Variants in ANKRD13D observed in about 807,000 individuals in gnomAD.
ANKRD13D encodes the protein ankyrin repeat domain 13D.
In ANKRD13D, 24 loss-of-function variants were observed where a neutral mutation model predicts 68.8. The ratio of observed to expected loss-of-function variants is 0.35; its 90% CI spans 0.25 to 0.49. ANKRD13D has a LOEUF of 0.49. Ranked by LOEUF, ANKRD13D falls within the 20% of genes least tolerant of loss-of-function variation. ANKRD13D has a pLI of 0.99. For synonymous variants in ANKRD13D, 331 were observed against 336.1 expected (o/e 0.98, Z 0.16); for missense variants, 735 against 832.1 (o/e 0.88, Z 1.44).
In ANKRD13D at chr11:67,299,244, C is replaced by G; in HGVS notation, c.798+120C>G. The G allele has an allele frequency of 7.9e-7, 1 of 1,270,622 alleles. No homozygotes were observed. The allele number at this position is 1,270,622 out of a possible 1,614,324, so 78.7% of individuals were successfully genotyped here. On this transcript the variant is annotated intron_variant, in intron 7 of 14. Coordinates refer to ENST00000511455, the MANE Select transcript of ANKRD13D (RefSeq NM_207354.3). The surrounding 1 kb of genome is among the most constrained non-coding windows in gnomAD (Gnocchi z 6.2). ...TGGAAACCCTGAGCATTTGTGGGAA[C>G]TCAGCGGGCCTGAGTGCCCAGCCCC...
At chr11:67,294,358 T>A (rs1860684099) in intron 6 of ANKRD13D, among the ~76,000 whole-genome samples, 1 of 152,208 alleles carries the variant, frequency 6.6e-6, no homozygotes, top group African/African-American at 2.4e-5. Flanking sequence ...ATAAAGCAGT[T>A]TGGGGAATAG....
In ANKRD13D at chr11:67,290,181, A is replaced by G. The variant is rs377091252; in HGVS notation, c.194A>G (p.Asn65Ser). 3 of 1,537,488 alleles carry G rather than the reference A, an allele frequency of 2.0e-6. No individual in the cohort carries two copies. The highest frequency in any genetic ancestry group is 2.6e-6 in the Non-Finnish European group (3 of 1,146,900). ...SVRVLLRHNANVGKENRQGWA... is the reference protein window; with the variant it reads ...SVRVLLRHNASVGKENRQGWA... The stretch of plus-strand genomic sequence containing the variant: ...AGAGTGCTCCTTCGACACAATGCCA[A>G]CGTGGGCAAAGAGAACCGCCAGGGC... The change falls in exon 2 of 15, where the codon AAC (asparagine) becomes AGC (serine). Residue 65 changes from asparagine to serine, a missense_variant. Asn to Ser is a conservative substitution (Grantham distance 46). Coordinates refer to ENST00000511455, the MANE Select transcript of ANKRD13D (RefSeq NM_207354.3).
chr11:67,299,652 G>A lies in ANKRD13D; in HGVS notation c.880+41G>A, dbSNP rs767648033. On this transcript the variant is annotated intron_variant, in intron 8 of 14. Coordinates refer to ENST00000511455, the MANE Select transcript of ANKRD13D (RefSeq NM_207354.3). This position sits in a 1 kb window ranked among gnomAD's most constrained non-coding sequence, Gnocchi z 6.2. ...CCTGCCTGCTGCCCGGTCACACCGT[G>A]TGGTGGGGTCACCCTGGCCTGGGAT... The A allele has an allele frequency of 3.2e-6, 5 of 1,548,024 alleles. No homozygotes were observed. The highest frequency in any genetic ancestry group is 3.5e-6 in the Non-Finnish European group (4 of 1,144,952).
Position 67,290,121 on chromosome 11 carries a change from A to G in ANKRD13D, c.134A>G (p.Glu45Gly). 6.5e-7 allele frequency: 1 copy of G among 1,537,104 alleles called. No individual in the cohort carries two copies. Among genetic ancestry groups the G allele is most frequent in the East Asian group, 2.4e-5 (1 of 40,924 alleles). Residue 45 changes from glutamate (E) to glycine (G), a missense_variant, in exon 2 of 15, where the codon GAG (glutamate) becomes GGG (glycine). Physicochemically the swap from Glu to Gly is moderately conservative, Grantham distance 98. Transcript: ENST00000511455. The stretch of plus-strand genomic sequence containing the variant: ...GACCCCCGCGGGCGGACCCCACTGG[A>G]GCTGGCCGTGTCTCTGGGAAACCTG... Reference protein sequence around the residue: ...QEDPRGRTPLELAVSLGNLES... With the variant: ...QEDPRGRTPLGLAVSLGNLES...
chr11:67,291,445 G>T (rs1427204715), intron 3 of ANKRD13D, 31 bp from the exon 4 acceptor site: 2 of 1,613,322 alleles, frequency 1.2e-6, no homozygotes, highest in African/African-American at 1.3e-5. Flanking sequence ...CAGCAGGCAG[G>T]GCGCTGACAA....
rs1317848447 is a variant in ANKRD13D, at chr11:67,301,848, G to A, written c.1604+25G>A. 1.9e-6 allele frequency: 3 copies of A among 1,565,566 alleles called. No homozygotes were observed. Among genetic ancestry groups the A allele is most frequent in the Non-Finnish European group, 2.6e-6 (3 of 1,155,208 alleles). Reference sequence around the variant, plus strand: ...GGTGAGCCCCTCATGGGGCTGGCTGGGTCCCTGTCCCCCCAGCCCTGGCTT... The same window carrying A: ...GGTGAGCCCCTCATGGGGCTGGCTGAGTCCCTGTCCCCCCAGCCCTGGCTT... On this transcript the variant is annotated intron_variant, in intron 14 of 14. Transcript: ENST00000511455. This position sits in a 1 kb window ranked among gnomAD's most constrained non-coding sequence, Gnocchi z 4.5.
chr11:67,290,272 C>T (rs1860478912), intron 2 of ANKRD13D, 50 bp from the exon 3 acceptor site: 1 of 1,546,378 alleles, frequency 6.5e-7, no homozygotes, highest in African/African-American at 1.4e-5. Context: ...AGTGAGCAGC[C>T]AGGCCTGGGG....
chr11:67,290,807 A>C (rs966392804), intron 3 of ANKRD13D: 2 of 232,172 alleles, frequency 8.6e-6, no homozygotes, highest in African/African-American at 4.5e-5. Flanking sequence ...CTGGCAGAGC[A>C]TACTATCTCA....
Position 67,293,939 on chromosome 11 carries a change from T to G in ANKRD13D, c.731+1759T>G, listed in dbSNP as rs577741941. ...GTTAATTTTTGTGTATAGTGGAAGG[T>G]TCTTTTGCATGTGACTATCCAGTTG... On this transcript the variant is annotated intron_variant, in intron 6 of 14. Coordinates refer to ENST00000511455, the MANE Select transcript of ANKRD13D (RefSeq NM_207354.3). Among the ~76,000 whole-genome samples, 9 of 152,348 alleles carry G rather than the reference T, an allele frequency of 5.9e-5. No homozygotes were observed. The South Asian group carries it at 1.2e-3, about 21-fold the overall frequency.
chr11:67,292,193 C>T lies in ANKRD13D; in HGVS notation c.731+13C>T. The T allele has an allele frequency of 6.4e-7, 1 of 1,573,358 alleles. No individual in the cohort carries two copies. Among genetic ancestry groups the T allele is most frequent in the Non-Finnish European group, 8.7e-7 (1 of 1,151,392 alleles). On this transcript the variant is annotated intron_variant, in intron 6 of 14. Transcript: ENST00000511455. The stretch of plus-strand genomic sequence containing the variant: ...TGGCCTTTGAGAGGTCGGTCGGGTC[C>T]TGGCACACCGTGGGTGGGATGGGGA...
chr11:67,300,268 T>C lies in ANKRD13D; in HGVS notation c.1073+145T>C. On this transcript the variant is annotated intron_variant, in intron 10 of 14. Transcript: ENST00000511455. The surrounding 1 kb of genome is among the most constrained non-coding windows in gnomAD (Gnocchi z 4.3). ...CTGGAGGGCAGGAGTCATGTCTGCC[T>C]TATCCATGGTCCTCAGCCCTTAGCA... The C allele has an allele frequency of 2.5e-6, 3 of 1,191,392 alleles. No individual in the cohort carries two copies. Among genetic ancestry groups the C allele is most frequent in the Non-Finnish European group, 3.5e-6 (3 of 860,246 alleles). 73.8% of individuals were successfully genotyped at this position (1,191,392 alleles called of 1,614,324 possible).
At position 67,299,734 on chromosome 11, in the gene ANKRD13D, C is replaced by T. The variant is rs1463119030; in HGVS notation, c.881-93C>T. The stretch of plus-strand genomic sequence containing the variant: ...AGGCCTCCCCATTCCCGTCTGACCC[C>T]TCTTCCCCCAGACAGTAGGCTCCAG... On this transcript the variant is annotated intron_variant, in intron 8 of 14. Transcript: ENST00000511455. This position sits in a 1 kb window ranked among gnomAD's most constrained non-coding sequence, Gnocchi z 6.2. 3 of 1,539,328 alleles carry T rather than the reference C, an allele frequency of 1.9e-6. No homozygotes were observed. The East Asian group carries it at 6.8e-5, about 35-fold the overall frequency.
chr11:67,289,849 A>G (rs1018803055), intron 1 of ANKRD13D: 1 of 1,419,762 alleles, frequency 7.0e-7, no homozygotes, highest in Non-Finnish European at 9.2e-7. Context: ...ACTCCTGACA[A>G]CCTGCAGCTC....
rs1043711301 is a variant in ANKRD13D at position 67,299,640 on chromosome 11, C to A, written c.880+29C>A. ...AACCCAGGTGCGCCTGCCTGCTGCC[C>A]GGTCACACCGTGTGGTGGGGTCACC... is the stretch of plus-strand genomic sequence containing the variant. On this transcript the variant is annotated intron_variant, in intron 8 of 14. Coordinates refer to ENST00000511455, the MANE Select transcript of ANKRD13D (RefSeq NM_207354.3). The surrounding 1 kb of genome is among the most constrained non-coding windows in gnomAD (Gnocchi z 6.2). 19 of 1,549,112 alleles carry A rather than the reference C, an allele frequency of 1.2e-5. No homozygotes were observed. The African/African-American group carries it at 2.2e-4, about 18-fold the overall frequency.
rs999314883 is a variant in ANKRD13D, at chr11:67,299,184, C to T, written c.798+60C>T. On this transcript the variant is annotated intron_variant, in intron 7 of 14. Coordinates refer to ENST00000511455, the MANE Select transcript of ANKRD13D (RefSeq NM_207354.3). This position sits in a 1 kb window ranked among gnomAD's most constrained non-coding sequence, Gnocchi z 6.2. ...GAGATGAGGTCCAGGAACTCAGCTC[C>T]TCTCCACATCCATCCCAGAGTAGCC... 6.3e-7 allele frequency: 1 copy of T among 1,579,282 alleles called. No homozygotes were observed. The highest frequency in any genetic ancestry group is 8.7e-7 in the Non-Finnish European group (1 of 1,152,000).
intron 3 of ANKRD13D, chr11:67,291,111 G>A (rs541078531): frequency 1.9e-4 from 52 of 269,320 alleles, no homozygotes; most frequent in South Asian, 1.8e-3. Context: ...TAATCCCAGC[G>A]CTTTCTGAGG....
At chr11:67,289,691 A>G in intron 1 of ANKRD13D, 141 bp downstream of exon 1, 3 of 1,282,088 alleles carry the variant, frequency 2.3e-6, no homozygotes, top group Non-Finnish European at 3.0e-6. Context: ...CACGATCCCA[A>G]GCCCAGGTCA....
At chr11:67,291,903 G>T (rs915301913) in intron 5 of ANKRD13D, 88 bp from the exon 6 acceptor site, 1 of 1,509,624 alleles carries the variant, frequency 6.6e-7, no homozygotes, top group Non-Finnish European at 8.8e-7. Context: ...TTGGCAGCAG[G>T]TGGCTGAGGG....
In ANKRD13D at chr11:67,299,181, C is replaced by G; in HGVS notation, c.798+57C>G. Reference sequence around the variant, plus strand: ...TAGGAGATGAGGTCCAGGAACTCAGCTCCTCTCCACATCCATCCCAGAGTA... The same window carrying G: ...TAGGAGATGAGGTCCAGGAACTCAGGTCCTCTCCACATCCATCCCAGAGTA... On this transcript the variant is annotated intron_variant, in intron 7 of 14. Coordinates refer to ENST00000511455, the MANE Select transcript of ANKRD13D (RefSeq NM_207354.3). The surrounding 1 kb of genome is among the most constrained non-coding windows in gnomAD (Gnocchi z 6.2). 2 of 1,580,834 alleles carry G rather than the reference C, an allele frequency of 1.3e-6. No individual in the cohort carries two copies. The highest frequency in any genetic ancestry group is 1.7e-6 in the Non-Finnish European group (2 of 1,153,072).
Sources: allele counts gnomAD v4.1 joint callset (sites outside exome capture counted in the v4.1 genomes callset), GRCh38; gene constraint gnomAD v4.1.1; non-coding constraint Gnocchi (gnomAD v3.1); transcripts MANE v1.5; gene names NCBI Gene and HGNC (gene_info 2026-07-23, HGNC 2026-07-21).